SLCO6A1: variants seen among roughly 807,000 people sequenced by gnomAD.
SLCO6A1 encodes the protein solute carrier organic anion transporter family member 6A1, also known as cancer/testis antigen 48.
In SLCO6A1, 65 loss-of-function variants were observed where a neutral mutation model predicts 72.7. That is an observed-to-expected ratio of 0.89 (90% CI 0.73 to 1.10). The LOEUF (loss-of-function observed/expected upper bound fraction) is 1.10, where lower values mean the gene tolerates loss of function less well. Among genes scored for constraint, SLCO6A1 ranks in the 50% least tolerant of loss-of-function variants. The pLI, the probability that SLCO6A1 is intolerant of heterozygous loss-of-function variation, is 0.00. For synonymous variants in SLCO6A1, 314 were observed against 298.2 expected (o/e 1.05, Z -0.55); for missense variants, 874 against 872.6 (o/e 1.00, Z -0.02).
intron 4 of SLCO6A1, among the ~76,000 whole-genome samples, chr5:102,471,246 A>C (rs370304586): frequency 4.6e-5 from 7 of 152,016 alleles, no homozygotes; most frequent in African/African-American, 1.7e-4. Context: ...AGGTTCAATC[A>C]CATGTTCTCC....
Position 102,498,688 on chromosome 5 carries a change from G to C in SLCO6A1, c.157C>G (p.Leu53Val), listed in dbSNP as rs756595540. 12 of 1,614,230 alleles carry C rather than the reference G, an allele frequency of 7.4e-6. No homozygotes were observed. The South Asian group carries it at 1.3e-4, about 18-fold the overall frequency. Residue 53 changes from leucine (L) to valine (V), a missense_variant, in exon 1 of 14, where the codon CTA becomes GTA. Transcript: ENST00000506729. ...KPGKKHRYLR[L>V]LPEALIRFGG... ...AACCTTATCAAGGCCTCTGGAAGTA[G>C]TCTCAGATACCGGTGTTTTTTCCCG...
intron 12 of SLCO6A1, among the ~76,000 whole-genome samples, chr5:102,381,037 A>G (rs1310787110): frequency 6.6e-6 from 1 of 151,952 alleles, no homozygotes; most frequent in Non-Finnish European, 1.5e-5. Context: ...AAATGATTAA[A>G]TCAATGTATT....
chr5:102,376,504 T>C lies in SLCO6A1; in HGVS notation c.2018-3010A>G, dbSNP rs531108788. Reference sequence around the variant, plus strand: ...TCATCAAAAAGACATAAAAATCCTATGTGTGTGTGCCAAACAATAGGGCTT... The same window carrying C: ...TCATCAAAAAGACATAAAAATCCTACGTGTGTGTGCCAAACAATAGGGCTT... On this transcript the variant is annotated intron_variant, in intron 12 of 13. Coordinates refer to ENST00000506729, the MANE Select transcript of SLCO6A1 (RefSeq NM_173488.5). Among the ~76,000 whole-genome samples the C allele has an allele frequency of 2.0e-5, 3 of 152,160 alleles. No homozygotes were observed. In the East Asian group the frequency reaches 5.8e-4, roughly 29 times the overall value.
intron 11 of SLCO6A1, among the ~76,000 whole-genome samples, chr5:102,389,459 C>CCCCCCCCCCCCCCCCCA (rs1198260136): frequency 9.0e-6 from 1 of 111,006 alleles, no homozygotes; most frequent in African/African-American, 3.3e-5. Flanking sequence ...CCCACCCCCA[C>CCCCCCCCCCCCCCCCCA]ACACACAGAG....
intron 12 of SLCO6A1, among the ~76,000 whole-genome samples, chr5:102,381,038 T>A (rs879136689): frequency 2.6e-5 from 4 of 151,968 alleles, no homozygotes; most frequent in South Asian, 4.1e-4. Flanking sequence ...AATGATTAAA[T>A]CAATGTATTT....
Position 102,375,410 on chromosome 5 carries a change from A to C in SLCO6A1, c.2018-1916T>G, listed in dbSNP as rs116798046. Among the ~76,000 whole-genome samples, 1,258 of 152,294 alleles carry C rather than the reference A, an allele frequency of 8.3e-3. 12 individuals are homozygous for C. The highest frequency in any genetic ancestry group is 0.015 in the Non-Finnish European group (1,008 of 68,008). On this transcript the variant is annotated intron_variant, in intron 12 of 13. Coordinates refer to ENST00000506729, the MANE Select transcript of SLCO6A1 (RefSeq NM_173488.5). ...TTAACTTACCCTCCACTTAGGTAGA[A>C]TAACAGAAGAAGGAAAATGTCTGTT...
chr5:102,427,029 A>G (rs936120664), intron 7 of SLCO6A1, among the ~76,000 whole-genome samples: 2 of 152,162 alleles, frequency 1.3e-5, no homozygotes, highest in African/African-American at 4.8e-5. Context: ...AGGAAATAAA[A>G]CATCACATAT....
chr5:102,397,681 G>T (rs1044627788), intron 10 of SLCO6A1, among the ~76,000 whole-genome samples: 4 of 152,124 alleles, frequency 2.6e-5, no homozygotes, highest in Non-Finnish European at 5.9e-5. Flanking sequence ...CTTCTGAGCA[G>T]AAATATATGT....
At chr5:102,475,246 G>A (rs1426923526) in intron 4 of SLCO6A1, among the ~76,000 whole-genome samples, 4 of 152,058 alleles carry the variant, frequency 2.6e-5, no homozygotes, top group Non-Finnish European at 4.4e-5. Flanking sequence ...ATACAGTGGA[G>A]TATTATTCAG....
intron 7 of SLCO6A1, among the ~76,000 whole-genome samples, chr5:102,430,031 C>G (rs1749127605): frequency 6.6e-6 from 1 of 150,710 alleles, no homozygotes; most frequent in Non-Finnish European, 1.5e-5. Flanking sequence ...CCCGGGTTAG[C>G]TGCATTCCTA....
chr5:102,401,576 A>G (rs1747399536), intron 9 of SLCO6A1, among the ~76,000 whole-genome samples: 2 of 152,164 alleles, frequency 1.3e-5, no homozygotes, highest in African/African-American at 4.8e-5. Flanking sequence ...GAAAATAAAA[A>G]TGGCCAAATT....
At chr5:102,451,628 T>C (rs991345332) in intron 6 of SLCO6A1, among the ~76,000 whole-genome samples, 6 of 152,188 alleles carry the variant, frequency 3.9e-5, no homozygotes, top group African/African-American at 1.4e-4. Flanking sequence ...GGCAGAAGTG[T>C]GGGACCTTGG....
At chr5:102,406,108 C>T (rs1204185718) in intron 9 of SLCO6A1, among the ~76,000 whole-genome samples, 1 of 150,274 alleles carries the variant, frequency 6.7e-6, no homozygotes, top group African/African-American at 2.4e-5. Context: ...ATAAAATAAG[C>T]AGCTAGATCT....
chr5:102,373,149 T>A (rs1750715189), intron 13 of SLCO6A1, among the ~76,000 whole-genome samples, 188 bp downstream of exon 13: 1 of 151,932 alleles, frequency 6.6e-6, no homozygotes, highest in Non-Finnish European at 1.5e-5. Flanking sequence ...ATTGAAAGTA[T>A]TAAATGTGTA....
intron 12 of SLCO6A1, among the ~76,000 whole-genome samples, chr5:102,382,364 T>A (rs1011376947): frequency 6.6e-6 from 1 of 151,960 alleles, no homozygotes; most frequent in Non-Finnish European, 1.5e-5. Flanking sequence ...GCCAGGACCA[T>A]GCTGTTTTGG....
At chr5:102,417,586 A>T (rs553975000) in intron 8 of SLCO6A1, among the ~76,000 whole-genome samples, 3 of 152,184 alleles carry the variant, frequency 2.0e-5, no homozygotes, top group Non-Finnish European at 2.9e-5. Flanking sequence ...ATAGCATTTC[A>T]TGTAAACCCA....
chr5:102,388,914 C>A, intron 11 of SLCO6A1, 89 bp from the exon 12 acceptor site: 1 of 1,122,138 alleles, frequency 8.9e-7, no homozygotes, highest in Non-Finnish European at 1.2e-6. Context: ...ATATGAATGA[C>A]GACTCATCAT....
intron 4 of SLCO6A1, among the ~76,000 whole-genome samples, chr5:102,463,911 A>AC (rs35727220): frequency 7.3e-5 from 11 of 151,048 alleles, no homozygotes; most frequent in Admixed American, 2.0e-4. Flanking sequence ...AAAAAAAAAA[A>AC]CAGGAACAAA....
intron 6 of SLCO6A1, among the ~76,000 whole-genome samples, chr5:102,443,736 C>A (rs886451599): frequency 2.0e-5 from 3 of 152,122 alleles, no homozygotes; most frequent in African/African-American, 7.2e-5. Flanking sequence ...AATAAAATAC[C>A]CAGGATTTTC....
Sources: gnomAD v4.1 joint callset for allele counts (sites outside exome capture counted in the v4.1 genomes callset) on GRCh38, gnomAD v4.1.1 for gene constraint, MANE v1.5 for transcripts, NCBI Gene and HGNC (gene_info 2026-07-23, HGNC 2026-07-21) for gene names.